SMOC1: variants seen among roughly 807,000 people sequenced by gnomAD.
SMOC1 encodes the protein SPARC-related modular calcium-binding protein 1.
SMOC1 carries 22 observed loss-of-function variants against 56.3 expected under a neutral mutation model. The observed-to-expected ratio is 0.39, with a 90% confidence interval of 0.28 to 0.56. The LOEUF (loss-of-function observed/expected upper bound fraction) is 0.56, where lower values mean the gene tolerates loss of function less well. SMOC1 is among the 20% of genes least tolerant of loss of function. The pLI is 0.61. For missense variants in SMOC1, 509 were observed against 565.4 expected (o/e 0.90, Z 1.01); for synonymous variants, 193 against 215.0 (o/e 0.90, Z 0.89).
Position 69,992,407 on chromosome 14 carries a change from C to G in SMOC1, c.527-10C>G. ...AGTCTCCTTTCGATTCTTTTTAACC[C>G]TCAATTCAGATGACGGGTCTAAGCC... On this transcript the variant is annotated splice_polypyrimidine_tract_variant and intron_variant, in intron 5 of 11. Coordinates refer to ENST00000361956, the MANE Select transcript of SMOC1 (RefSeq NM_001034852.3). 1 of 1,613,888 alleles carries G rather than the reference C, an allele frequency of 6.2e-7. No homozygotes were observed.
At chr14:69,948,099 A>G (rs772352714) in intron 1 of SMOC1, among the ~76,000 whole-genome samples, 2 of 152,208 alleles carry the variant, frequency 1.3e-5, no homozygotes, top group Non-Finnish European at 2.9e-5. Context: ...AGTACAGAGC[A>G]GTTGAACAGA....
chr14:69,988,827 T>C (rs1192936519), intron 5 of SMOC1, among the ~76,000 whole-genome samples: 2 of 152,236 alleles, frequency 1.3e-5, no homozygotes, highest in African/African-American at 2.4e-5. Flanking sequence ...TGGATTTTTA[T>C]ACTTAGCATA....
chr14:69,939,971 G>A (rs1882485949), intron 1 of SMOC1, among the ~76,000 whole-genome samples: 1 of 152,222 alleles, frequency 6.6e-6, no homozygotes, highest in African/African-American at 2.4e-5. Flanking sequence ...GAGGTGGGAA[G>A]AAGGACCCAC....
At chr14:69,998,675 T>G (rs1884862057) in intron 7 of SMOC1, among the ~76,000 whole-genome samples, 2 of 152,192 alleles carry the variant, frequency 1.3e-5, no homozygotes, top group African/African-American at 4.8e-5. Flanking sequence ...CTTTCTCTTC[T>G]GGGCAAGTAT....
At position 70,010,952 on chromosome 14, in the gene SMOC1, C is replaced by T. The variant is rs1202095008; in HGVS notation, c.857+6C>T. 9 of 1,611,978 alleles carry T rather than the reference C, an allele frequency of 5.6e-6. No homozygotes were observed. The East Asian group carries it at 1.3e-4, about 24-fold the overall frequency. On this transcript the variant is annotated splice_donor_region_variant and intron_variant, in intron 8 of 11. Transcript: ENST00000361956. ...CTGCCTGGGACCTCCACACGGTAAGCCCCCCAGACTGGGTCCTGGGAAAAA... is the reference window on the plus strand; with the variant it reads ...CTGCCTGGGACCTCCACACGGTAAGTCCCCCAGACTGGGTCCTGGGAAAAA...
chr14:70,007,683 G>A (rs1885194810), intron 7 of SMOC1, among the ~76,000 whole-genome samples: 2 of 152,218 alleles, frequency 1.3e-5, no homozygotes, highest in African/African-American at 4.8e-5. Context: ...CTCTCTCCTG[G>A]CTGAGTGAAC....
At chr14:69,978,022 G>A in intron 5 of SMOC1, 57 bp downstream of exon 5, 4 of 1,399,786 alleles carry the variant, frequency 2.9e-6, no homozygotes, top group Non-Finnish European at 4.1e-6. Flanking sequence ...GTCCAAGCAG[G>A]ATTTCTTAGA....
At chr14:69,926,889 T>G (rs551500797) in intron 1 of SMOC1, among the ~76,000 whole-genome samples, 10 of 152,334 alleles carry the variant, frequency 6.6e-5, no homozygotes, top group Admixed American at 6.5e-4. Context: ...TGAACCTCAG[T>G]TAATTTGCCC....
chr14:69,951,887 T>C (rs1042752020), intron 1 of SMOC1, among the ~76,000 whole-genome samples: 1 of 152,250 alleles, frequency 6.6e-6, no homozygotes, highest in Admixed American at 6.5e-5. Flanking sequence ...ACTGAGATCC[T>C]GGATGTGAAT....
intron 11 of SMOC1, among the ~76,000 whole-genome samples, chr14:70,027,839 G>A (rs1233142388): frequency 6.6e-6 from 1 of 152,208 alleles, no homozygotes; most frequent in Non-Finnish European, 1.5e-5. Context: ...TAGCGGTAGA[G>A]GAACATGTCC....
chr14:69,962,092 A>G (rs2139466009), intron 3 of SMOC1, among the ~76,000 whole-genome samples: 1 of 152,050 alleles, frequency 6.6e-6, no homozygotes, highest in Middle Eastern at 3.4e-3. Context: ...CCATTTCTTA[A>G]TTCAGTTACT....
At chr14:69,943,889 G>A (rs1882678012) in intron 1 of SMOC1, among the ~76,000 whole-genome samples, 1 of 152,224 alleles carries the variant, frequency 6.6e-6, no homozygotes, top group Non-Finnish European at 1.5e-5. Context: ...TGACAGCAAA[G>A]CCCTTTCTGC....
chr14:69,883,887 G>A (rs1213943066), intron 1 of SMOC1, among the ~76,000 whole-genome samples: 1 of 87,570 alleles, frequency 1.1e-5, no homozygotes, highest in Non-Finnish European at 2.2e-5. Context: ...GTGATGTTGA[G>A]CATTTTTTTT....
intron 1 of SMOC1, among the ~76,000 whole-genome samples, chr14:69,931,234 G>A (rs2139392081): frequency 6.6e-6 from 1 of 152,292 alleles, no homozygotes; most frequent in Non-Finnish European, 1.5e-5. Context: ...TTTTATTCAG[G>A]GTGCTCTCCT....
chr14:70,030,458 T>A lies in SMOC1; in HGVS notation c.*200T>A. 1 of 470,078 alleles carries A rather than the reference T, an allele frequency of 2.1e-6. No homozygotes were observed. Among genetic ancestry groups the A allele is most frequent in the Non-Finnish European group, 3.7e-6 (1 of 273,568 alleles). 29.1% of individuals were successfully genotyped at this position (470,078 alleles called of 1,614,324 possible). A position where few individuals can be genotyped will look rare whatever the true frequency, so the allele number is the denominator to read the frequency against. On this transcript the variant is annotated 3_prime_UTR_variant, in exon 12 of 12. Coordinates refer to ENST00000361956, the MANE Select transcript of SMOC1 (RefSeq NM_001034852.3). The stretch of plus-strand genomic sequence containing the variant: ...AAAACACCAATATCTAATACCACAG[T>A]GGGAAAAGGAAAGGGAAGAAAGACT...
Position 69,952,325 on chromosome 14 carries a change from C to A in SMOC1, c.265+22C>A, listed in dbSNP as rs1883032772. 1.9e-6 allele frequency: 3 copies of A among 1,613,472 alleles called. No individual in the cohort carries two copies. In the East Asian group the frequency reaches 6.7e-5, roughly 36 times the overall value. On this transcript the variant is annotated intron_variant, in intron 2 of 11. Transcript: ENST00000361956. ...AAAGGTGAGTGTGTGCACCCCTGCC[C>A]AGCCAAGGAGAGGTTCCTGGGCACC...
chr14:70,010,671 C>T (rs992754688), intron 7 of SMOC1, 83 bp from the exon 8 acceptor site: 3 of 1,474,242 alleles, frequency 2.0e-6, no homozygotes, highest in Non-Finnish European at 1.9e-6. Context: ...GTCCTTGCTA[C>T]TTACTTTGGA....
At chr14:69,992,317 GC>G in intron 5 of SMOC1, 99 bp from the exon 6 acceptor site, 1 of 1,127,714 alleles carries the variant, frequency 8.9e-7, no homozygotes, top group Non-Finnish European at 1.3e-6. Flanking sequence ...ACTTGGCCGG[GC>G]CTTGTACAAA....
At chr14:69,932,745 G>A (rs969872443) in intron 1 of SMOC1, among the ~76,000 whole-genome samples, 10 of 152,294 alleles carry the variant, frequency 6.6e-5, no homozygotes, top group African/African-American at 2.4e-4. Context: ...GGGCAGTGCG[G>A]CTTTTTCCTG....
Sources: gnomAD v4.1 joint callset for allele counts (sites outside exome capture counted in the v4.1 genomes callset) on GRCh38, gnomAD v4.1.1 for gene constraint, MANE v1.5 for transcripts, NCBI Gene and HGNC (gene_info 2026-07-23, HGNC 2026-07-21) for gene names.